The following FBXL7 variants were observed in gnomAD, a reference collection of about 807,000 sequenced individuals.
FBXL7 encodes F-box/LRR-repeat protein 7.
In FBXL7, 12 loss-of-function variants were observed where a neutral mutation model predicts 38.3. That is an observed-to-expected ratio of 0.31 (90% CI 0.20 to 0.51). FBXL7 has a LOEUF of 0.51. FBXL7 is among the 20% of genes least tolerant of loss of function. The probability of loss-of-function intolerance (pLI) is 0.98; values close to 1 mark genes in which losing one functional copy is unlikely to be tolerated. For missense variants in FBXL7, 567 were observed against 676.4 expected (o/e 0.84, Z 1.79); for synonymous variants, 297 against 300.9 (o/e 0.99, Z 0.13).
At chr5:15,785,552 A>G (rs1737112732) in intron 2 of FBXL7, among the ~76,000 whole-genome samples, 1 of 152,230 alleles carries the variant, frequency 6.6e-6, no homozygotes, top group Admixed American at 6.5e-5. Context: ...GCTTTCAAGC[A>G]TGTAAGCCAA....
At chr5:15,558,139 T>C (rs1738306115) in intron 1 of FBXL7, among the ~76,000 whole-genome samples, 1 of 152,144 alleles carries the variant, frequency 6.6e-6, no homozygotes, top group African/African-American at 2.4e-5. Context: ...ATGGCTAGAA[T>C]CACATGTTTT....
At chr5:15,503,807 G>A (rs1247203240) in intron 1 of FBXL7, among the ~76,000 whole-genome samples, 1 of 152,148 alleles carries the variant, frequency 6.6e-6, no homozygotes, top group Non-Finnish European at 1.5e-5. Flanking sequence ...TGCAACTTAA[G>A]TATATTTTAC....
chr5:15,671,568 C>A (rs963387235), intron 2 of FBXL7, among the ~76,000 whole-genome samples: 1 of 152,156 alleles, frequency 6.6e-6, no homozygotes, highest in Admixed American at 6.5e-5. Context: ...TTGATCTTAG[C>A]CGAAAGGCTG....
intron 2 of FBXL7, among the ~76,000 whole-genome samples, chr5:15,778,276 G>A (rs988436370): frequency 5.3e-5 from 8 of 151,872 alleles, no homozygotes; most frequent in African/African-American, 1.9e-4. Flanking sequence ...CCCCAACTTT[G>A]TTCCTATCTA....
chr5:15,517,340 C>A (rs1485726923), intron 1 of FBXL7, among the ~76,000 whole-genome samples: 2 of 152,170 alleles, frequency 1.3e-5, no homozygotes, highest in African/African-American at 4.8e-5. Flanking sequence ...ACTGGAGGAA[C>A]CATAGATGGT....
At chr5:15,840,403 T>C (rs1259288284) in intron 2 of FBXL7, among the ~76,000 whole-genome samples, 2 of 152,244 alleles carry the variant, frequency 1.3e-5, no homozygotes, top group South Asian at 2.1e-4. Context: ...CTTTACTCTT[T>C]CATATGAATT....
chr5:15,536,356 C>G (rs531929988), intron 1 of FBXL7, among the ~76,000 whole-genome samples: 79 of 152,230 alleles, frequency 5.2e-4, no homozygotes, highest in Non-Finnish European at 9.8e-4. Flanking sequence ...ACAGCTTGCA[C>G]TGTGCACTTG....
Position 15,828,490 on chromosome 5 carries a change from A to G in FBXL7, c.128-99400A>G, listed in dbSNP as rs376079379. 3.3e-5 allele frequency among the ~76,000 whole-genome samples: 5 copies of G among 152,226 alleles called. No individual in the cohort carries two copies. The East Asian group carries it at 5.8e-4, about 18-fold the overall frequency. Reference sequence around the variant, plus strand: ...AATGAACCCTAGTTGAATTTTTCAAATATAGCTTTTAAAGGGTTGTTTTCA... The same window carrying G: ...AATGAACCCTAGTTGAATTTTTCAAGTATAGCTTTTAAAGGGTTGTTTTCA... On this transcript the variant is annotated intron_variant, in intron 2 of 3. Coordinates refer to ENST00000504595, the MANE Select transcript of FBXL7 (RefSeq NM_012304.5).
chr5:15,561,267 T>G (rs2126437453), intron 1 of FBXL7, among the ~76,000 whole-genome samples: 1 of 152,280 alleles, frequency 6.6e-6, no homozygotes, highest in African/African-American at 2.4e-5. Flanking sequence ...TACTCTGTGT[T>G]GCTATGTATT....
chr5:15,886,277 G>T (rs921862954), intron 2 of FBXL7, among the ~76,000 whole-genome samples: 1 of 152,034 alleles, frequency 6.6e-6, no homozygotes, highest in African/African-American at 2.4e-5. Context: ...GAATGCATGT[G>T]TGTGTGTCTG....
At chr5:15,563,617 TG>T in intron 1 of FBXL7, among the ~76,000 whole-genome samples, 1 of 152,228 alleles carries the variant, frequency 6.6e-6, no homozygotes, top group South Asian at 2.1e-4. Context: ...TCTCTGCTCC[TG>T]GCTCCTAATG....
intron 2 of FBXL7, among the ~76,000 whole-genome samples, chr5:15,619,020 G>T (rs150467576): frequency 6.6e-6 from 1 of 152,090 alleles, no homozygotes; most frequent in Non-Finnish European, 1.5e-5. Context: ...CCCATTTAAC[G>T]GTGATCCTAG....
chr5:15,791,071 A>AG (rs70938030), intron 2 of FBXL7, among the ~76,000 whole-genome samples: 3,241 of 103,272 alleles, frequency 0.031, 75 homozygotes, highest in African/African-American at 0.062. Flanking sequence ...GTTGTGTAAA[A>AG]GGGGGGGGGG....
rs1027024031 is a variant in FBXL7 at position 15,939,011 on chromosome 5, T to A, written c.*1825T>A. ...GCCAGTTATGCTGAATTTGTCAAACTTAGACACCCTTGACAACTGCACTCC... is the reference window on the plus strand; with the variant it reads ...GCCAGTTATGCTGAATTTGTCAAACATAGACACCCTTGACAACTGCACTCC... On this transcript the variant is annotated 3_prime_UTR_variant, in exon 4 of 4. Coordinates refer to ENST00000504595, the MANE Select transcript of FBXL7 (RefSeq NM_012304.5). The A allele has an allele frequency of 1.0e-5, 4 of 398,978 alleles. No homozygotes were observed. Among genetic ancestry groups the A allele is most frequent in the Non-Finnish European group, 1.8e-5 (4 of 226,082 alleles). 24.7% of individuals were successfully genotyped at this position (398,978 alleles called of 1,614,324 possible).
At chr5:15,924,656 CAG>C (rs1370527948) in intron 2 of FBXL7, among the ~76,000 whole-genome samples, 1 of 121,300 alleles carries the variant, frequency 8.2e-6, no homozygotes, top group East Asian at 2.4e-4. Context: ...TTTTTTTTGA[CAG>C]AGTTTCACTG....
chr5:15,833,706 A>G lies in FBXL7; in HGVS notation c.128-94184A>G, dbSNP rs150552678. On this transcript the variant is annotated intron_variant, in intron 2 of 3. Coordinates refer to ENST00000504595, the MANE Select transcript of FBXL7 (RefSeq NM_012304.5). The stretch of plus-strand genomic sequence containing the variant: ...GTGTGATGCACGGAGACCCATATTC[A>G]AGCTAAGAGAGGTTGTAACACTGGA... Among the ~76,000 whole-genome samples the G allele has an allele frequency of 2.3e-3, 344 of 152,294 alleles. 1 individual carries two copies. The highest frequency in any genetic ancestry group is 7.9e-3 in the African/African-American group (327 of 41,558).
At chr5:15,574,205 C>T (rs1281745329) in intron 1 of FBXL7, among the ~76,000 whole-genome samples, 1 of 152,180 alleles carries the variant, frequency 6.6e-6, no homozygotes, top group East Asian at 1.9e-4. Context: ...AATGAATAAA[C>T]TCTGCCATCT....
intron 2 of FBXL7, among the ~76,000 whole-genome samples, chr5:15,893,814 T>A (rs1741008351): frequency 6.6e-6 from 1 of 152,208 alleles, no homozygotes; most frequent in South Asian, 2.1e-4. Flanking sequence ...TTCTCTCTGT[T>A]TTACCTTGTA....
intron 2 of FBXL7, among the ~76,000 whole-genome samples, chr5:15,728,594 A>C (rs189466976): frequency 2.8e-4 from 42 of 152,250 alleles, no homozygotes; most frequent in Admixed American, 9.2e-4. Context: ...ATTTTAAAAA[A>C]CTGGGATTCT....
Sources: allele counts gnomAD v4.1 joint callset (sites outside exome capture counted in the v4.1 genomes callset), GRCh38; gene constraint gnomAD v4.1.1; transcripts MANE v1.5; gene names NCBI Gene and HGNC (gene_info 2026-07-23, HGNC 2026-07-21).